The following THAP4 variants were observed in gnomAD, a reference collection of about 807,000 sequenced individuals.
The protein encoded by THAP4 is THAP domain containing 4.
THAP4 carries 18 observed loss-of-function variants against 48.1 expected under a neutral mutation model. The observed-to-expected ratio is 0.37, with a 90% CI of 0.26 to 0.56. THAP4 has a LOEUF of 0.56. THAP4 is among the 20% of genes least tolerant of loss of function. The probability of loss-of-function intolerance (pLI) is 0.78; values close to 1 mark genes in which losing one functional copy is unlikely to be tolerated. For synonymous variants in THAP4, 345 were observed against 324.9 expected (o/e 1.06, Z -0.66); for missense variants, 656 against 774.9 (o/e 0.85, Z 1.82).
intron 2 of THAP4, among the ~76,000 whole-genome samples, chr2:241,608,780 G>T (rs1027191942): frequency 6.6e-6 from 1 of 152,234 alleles, no homozygotes; most frequent in African/African-American, 2.4e-5. Context: ...AGATGAGGCA[G>T]AAAGGGAGAC....
At chr2:241,625,611 C>T (rs1263183856) in intron 2 of THAP4, among the ~76,000 whole-genome samples, 1 of 150,522 alleles carries the variant, frequency 6.6e-6, no homozygotes, top group Non-Finnish European at 1.5e-5. Context: ...CCATGGCTAA[C>T]ACAGTGAAAT....
intron 2 of THAP4, among the ~76,000 whole-genome samples, chr2:241,623,317 C>T (rs1334928737): frequency 6.6e-6 from 1 of 152,078 alleles, no homozygotes; most frequent in South Asian, 2.1e-4. Context: ...TGGTGGCTCA[C>T]GTCTGTAATC....
At chr2:241,606,752 G>C (rs1185167737) in intron 2 of THAP4, among the ~76,000 whole-genome samples, 1 of 152,218 alleles carries the variant, frequency 6.6e-6, no homozygotes, top group African/African-American at 2.4e-5. Flanking sequence ...CCTAAAAGCA[G>C]GCAATTTCTC....
rs1410126710 is a variant in THAP4 at position 241,610,807 on chromosome 2, CGAGAGACGGGACGGGGACAGA to C, written c.1241-4355_1241-4335del. 6.6e-6 allele frequency among the ~76,000 whole-genome samples: 1 copy of C among 151,850 alleles called. No homozygotes were observed. The highest frequency in any genetic ancestry group is 1.5e-5 in the Non-Finnish European group (1 of 67,990). On this transcript the variant is annotated intron_variant, in intron 2 of 5. Transcript: ENST00000407315. The surrounding 1 kb of genome is among the most constrained non-coding windows in gnomAD (Gnocchi z 4.2). Reference sequence around the variant, plus strand: ...GAAAGACGGACAGAGCCAGGGACAGCGAGAGACGGGACGGGGACAGAGACACAGAGACAGAGAGACAGGGCC... The same window carrying C: ...GAAAGACGGACAGAGCCAGGGACAGCGACACAGAGACAGAGAGACAGGGCC...
At chr2:241,624,511 ACAGT>A (rs2067472969) in intron 2 of THAP4, among the ~76,000 whole-genome samples, 1 of 151,916 alleles carries the variant, frequency 6.6e-6, no homozygotes. Context: ...ATACAAATAA[ACAGT>A]CAGAGGAAGA....
intron 2 of THAP4, chr2:241,617,447 A>G: frequency 6.4e-7 from 1 of 1,551,308 alleles, no homozygotes; most frequent in Non-Finnish European, 8.7e-7. Flanking sequence ...GACACTCGTC[A>G]AGGTTCCTCA....
chr2:241,622,750 T>C (rs1178526566), intron 2 of THAP4, among the ~76,000 whole-genome samples: 1 of 151,966 alleles, frequency 6.6e-6, no homozygotes, highest in Non-Finnish European at 1.5e-5. Context: ...CAGGTGTGCA[T>C]CACCATGCCT....
chr2:241,636,005 C>T (rs1401357881), intron 1 of THAP4, among the ~76,000 whole-genome samples: 4 of 152,098 alleles, frequency 2.6e-5, no homozygotes, highest in Non-Finnish European at 5.9e-5. Flanking sequence ...TCCTCCCATA[C>T]CATGTTAGAC....
In THAP4 at chr2:241,629,287, T is replaced by C. The variant is rs112696473; in HGVS notation, c.1240+3630A>G. Among the ~76,000 whole-genome samples the C allele has an allele frequency of 9.7e-3, 1,475 of 151,932 alleles. 20 individuals are homozygous for C. Among genetic ancestry groups the C allele is most frequent in the African/African-American group, 0.034 (1,406 of 41,420 alleles). On this transcript the variant is annotated intron_variant, in intron 2 of 5. Transcript: ENST00000407315. Reference sequence around the variant, plus strand: ...GGGTTCAAGACCAGCCCAGGCAACATAGTAAGACCCTATTGCTACAAAAAA... The same window carrying C: ...GGGTTCAAGACCAGCCCAGGCAACACAGTAAGACCCTATTGCTACAAAAAA...
rs1244873205 is a variant in THAP4 at position 241,633,128 on chromosome 2, G to A, written c.1029C>T (p.Asp343=). Reference sequence around the variant, plus strand: ...AGGAGAAGCAGTAGGAGTGCAGTGAGTCGATGAGCTTGCAGGCCCCTGACG... The same window carrying A: ...AGGAGAAGCAGTAGGAGTGCAGTGAATCGATGAGCTTGCAGGCCCCTGACG... ...LSASGACKLI[D]SLHSYCFSSR... The change falls in exon 2 of 6, where the codon GAC becomes GAT. Residue 343 remains aspartate (D), a synonymous_variant. Transcript: ENST00000407315. The surrounding 1 kb of genome is among the most constrained non-coding windows in gnomAD (Gnocchi z 7.5). 6.2e-7 allele frequency: 1 copy of A among 1,612,466 alleles called. No individual in the cohort carries two copies. Among genetic ancestry groups the A allele is most frequent in the Non-Finnish European group, 8.5e-7 (1 of 1,179,148 alleles).
chr2:241,615,535 G>A (rs2067329171), intron 2 of THAP4, among the ~76,000 whole-genome samples: 1 of 152,218 alleles, frequency 6.6e-6, no homozygotes, highest in African/African-American at 2.4e-5. Flanking sequence ...TGGCCCCAGG[G>A]TCTGCTGCCA....
In THAP4 at chr2:241,616,849, T is replaced by C. The variant is rs1455240358; in HGVS notation, c.1241-10376A>G. Among the ~76,000 whole-genome samples the C allele has an allele frequency of 6.6e-6, 1 of 152,062 alleles. No individual in the cohort carries two copies. The highest frequency in any genetic ancestry group is 1.9e-4 in the East Asian group (1 of 5,184). On this transcript the variant is annotated intron_variant, in intron 2 of 5. Transcript: ENST00000407315. This position sits in a 1 kb window ranked among gnomAD's most constrained non-coding sequence, Gnocchi z 4.6. ...CTGGCTTGCTGTTATTTGCTCTGAATCTTAATGGAGTTTAATTTGGACAGG... is the reference window on the plus strand; with the variant it reads ...CTGGCTTGCTGTTATTTGCTCTGAACCTTAATGGAGTTTAATTTGGACAGG...
chr2:241,630,433 G>T (rs1403988609), intron 2 of THAP4, among the ~76,000 whole-genome samples: 2 of 152,178 alleles, frequency 1.3e-5, no homozygotes, highest in Non-Finnish European at 2.9e-5. Context: ...AACCTGTAAT[G>T]GAGACAAACT....
chr2:241,595,645 A>T (rs543085872), intron 5 of THAP4, among the ~76,000 whole-genome samples: 30 of 152,142 alleles, frequency 2.0e-4, no homozygotes, highest in Non-Finnish European at 3.7e-4. Context: ...CTCAAAAAAA[A>T]AAAAGAAGAA....
chr2:241,622,669 G>A (rs529891656), intron 2 of THAP4, among the ~76,000 whole-genome samples: 47 of 152,050 alleles, frequency 3.1e-4, no homozygotes, highest in Non-Finnish European at 4.9e-4. Flanking sequence ...GCATAATTAC[G>A]GCTCACTGCA....
intron 2 of THAP4, among the ~76,000 whole-genome samples, chr2:241,608,018 G>A (rs113064470): frequency 1.8e-4 from 27 of 150,730 alleles, no homozygotes; most frequent in Non-Finnish European, 2.7e-4. Flanking sequence ...CCAGGCCCGC[G>A]CAAGCAGAAG....
intron 2 of THAP4, among the ~76,000 whole-genome samples, chr2:241,628,739 A>C (rs372766603): frequency 2.8e-4 from 42 of 150,728 alleles, no homozygotes; most frequent in African/African-American, 9.5e-4. Context: ...ATCTCTACAA[A>C]AAAAAAAACA....
chr2:241,607,064 A>C (rs2067193287), intron 2 of THAP4, among the ~76,000 whole-genome samples: 2 of 152,050 alleles, frequency 1.3e-5, no homozygotes, highest in Non-Finnish European at 2.9e-5. Context: ...AAAGGGAAGT[A>C]AGACCCCGCT....
intron 2 of THAP4, among the ~76,000 whole-genome samples, chr2:241,614,608 G>A (rs958008325): frequency 6.6e-5 from 10 of 152,216 alleles, no homozygotes; most frequent in East Asian, 3.9e-4. Flanking sequence ...GAATACCGCC[G>A]GGCGCAGTGG....
Sources: gnomAD v4.1 joint callset for allele counts (sites outside exome capture counted in the v4.1 genomes callset) on GRCh38, gnomAD v4.1.1 for gene constraint, Gnocchi (gnomAD v3.1) non-coding constraint, MANE v1.5 for transcripts, NCBI Gene and HGNC (gene_info 2026-07-23, HGNC 2026-07-21) for gene names.